The following RGS7 variants were observed in gnomAD, a reference collection of about 807,000 sequenced individuals.
RGS7 encodes the protein regulator of G-protein signaling 7.
Under a neutral mutation model 81.1 loss-of-function variants are expected in RGS7, and 27 were observed. The observed-to-expected ratio is 0.33, with a 90% CI of 0.25 to 0.46. The LOEUF (loss-of-function observed/expected upper bound fraction) is 0.46, where lower values mean the gene tolerates loss of function less well. RGS7 is among the 20% of genes least tolerant of loss of function. The pLI is 1.00. For synonymous variants in RGS7, 208 were observed against 207.7 expected (o/e 1.00, Z -0.01); for missense variants, 396 against 607.4 (o/e 0.65, Z 3.66).
chr1:240,793,611 A>ATATTTTTTTTTTTT, intron 18 of RGS7, among the ~76,000 whole-genome samples: 1 of 78,872 alleles, frequency 1.3e-5, no homozygotes, highest in African/African-American at 9.7e-5. Context: ...ATATATATAT[A>ATATTTTTTTTTTTT]TTTTTTTTTT....
intron 6 of RGS7, among the ~76,000 whole-genome samples, chr1:240,914,162 A>G (rs1360657887): frequency 6.7e-6 from 1 of 150,260 alleles, no homozygotes; most frequent in Non-Finnish European, 1.5e-5. Context: ...TCCAGGGCAC[A>G]TCAATTTAGA....
At chr1:241,295,352 A>C (rs1409671667) in intron 2 of RGS7, among the ~76,000 whole-genome samples, 2 of 144,694 alleles carry the variant, frequency 1.4e-5, no homozygotes, top group Non-Finnish European at 3.1e-5. Flanking sequence ...ACTTGGGAGG[A>C]TGAGGCAGGA....
intron 2 of RGS7, among the ~76,000 whole-genome samples, chr1:241,348,996 T>C (rs559934666): frequency 5.4e-5 from 4 of 74,682 alleles, no homozygotes; most frequent in African/African-American, 1.6e-4. Context: ...TGAAGAATAG[T>C]AATAAGATAA....
intron 3 of RGS7, among the ~76,000 whole-genome samples, chr1:241,076,728 CA>C (rs1307395644): frequency 1.3e-5 from 2 of 152,108 alleles, no homozygotes; most frequent in Non-Finnish European, 2.9e-5. Flanking sequence ...ACCCAATGGC[CA>C]ATTGATTTCT....
chr1:241,327,433 T>G (rs965692851), intron 2 of RGS7, among the ~76,000 whole-genome samples: 1 of 152,212 alleles, frequency 6.6e-6, no homozygotes, highest in Non-Finnish European at 1.5e-5. Flanking sequence ...GGATTCCTTA[T>G]TAAATAATAC....
chr1:241,298,292 C>T (rs552044555), intron 2 of RGS7, among the ~76,000 whole-genome samples: 4 of 152,262 alleles, frequency 2.6e-5, no homozygotes, highest in Non-Finnish European at 4.4e-5. Context: ...ATTAACTAAT[C>T]ACAGAAAGAA....
intron 4 of RGS7, among the ~76,000 whole-genome samples, chr1:240,972,800 C>A (rs1211123901): frequency 2.7e-5 from 4 of 149,304 alleles, no homozygotes; most frequent in East Asian, 2.0e-4. Flanking sequence ...GCAGGGAGAT[C>A]CCTTGAGACC....
intron 4 of RGS7, among the ~76,000 whole-genome samples, chr1:240,953,267 G>A (rs1679854852): frequency 6.6e-6 from 1 of 151,782 alleles, no homozygotes; most frequent in Admixed American, 6.6e-5. Flanking sequence ...TTTATATAAT[G>A]TTCTATCCAA....
intron 2 of RGS7, among the ~76,000 whole-genome samples, chr1:241,294,475 G>T (rs2079275749): frequency 6.6e-6 from 1 of 152,106 alleles, no homozygotes; most frequent in African/African-American, 2.4e-5. Flanking sequence ...AAATGTAAAA[G>T]TCAAAAGCTA....
At chr1:241,124,344 C>T (rs2066502198) in intron 2 of RGS7, among the ~76,000 whole-genome samples, 1 of 151,934 alleles carries the variant, frequency 6.6e-6, no homozygotes. Flanking sequence ...GCAGTGAACT[C>T]CATTGCACCA....
Position 240,941,869 on chromosome 1 carries a change from G to A in RGS7, c.227-5163C>T, listed in dbSNP as rs1055253020. ...CTGTCAAGATCACTCTCCCAATAAC[G>A]GCACACCAGATGGCCCAGCAGCATC... On this transcript the variant is annotated intron_variant, in intron 4 of 18. Transcript: ENST00000440928. Among the ~76,000 whole-genome samples, 3 of 150,030 alleles carry A rather than the reference G, an allele frequency of 2.0e-5. No homozygotes were observed. The East Asian group carries it at 5.8e-4, about 29-fold the overall frequency.
chr1:241,150,254 C>T (rs765640896), intron 2 of RGS7, among the ~76,000 whole-genome samples: 18 of 152,040 alleles, frequency 1.2e-4, no homozygotes, highest in Non-Finnish European at 1.9e-4. Flanking sequence ...ACATTTGGTG[C>T]GGTATTTAAC....
At chr1:240,937,943 T>C (rs1424636936) in intron 4 of RGS7, among the ~76,000 whole-genome samples, 1 of 152,244 alleles carries the variant, frequency 6.6e-6, no homozygotes, top group East Asian at 1.9e-4. Context: ...ATACTGTTTA[T>C]AGCTGCCAAC....
chr1:240,922,632 A>G (rs1023383781), intron 6 of RGS7, among the ~76,000 whole-genome samples: 7 of 152,134 alleles, frequency 4.6e-5, no homozygotes, highest in Non-Finnish European at 8.8e-5. Flanking sequence ...GCTCAATATC[A>G]TATGTTATTA....
At position 241,291,796 on chromosome 1, in the gene RGS7, G is replaced by A. The variant is rs368261087; in HGVS notation, c.78+63903C>T. 5.7e-4 allele frequency among the ~76,000 whole-genome samples: 86 copies of A among 151,934 alleles called. 1 individual carries two copies. In the Middle Eastern group the frequency reaches 0.01, roughly 18 times the overall value. ...TTGCCATGTTGGGCAGGCTGGTCTC[G>A]AACTCCTGACCTCAGGTGATCCACC... On this transcript the variant is annotated intron_variant, in intron 2 of 18. Coordinates refer to ENST00000440928, the MANE Select transcript of RGS7 (RefSeq NM_001364886.1).
intron 2 of RGS7, among the ~76,000 whole-genome samples, chr1:241,133,728 C>A (rs1366621597): frequency 6.6e-6 from 1 of 152,174 alleles, no homozygotes; most frequent in Non-Finnish European, 1.5e-5. Context: ...TTCCCTGATC[C>A]TGGTTTCTAA....
chr1:241,088,738 A>G (rs1055412229), intron 3 of RGS7, among the ~76,000 whole-genome samples: 5 of 151,962 alleles, frequency 3.3e-5, no homozygotes, highest in Admixed American at 3.3e-4. Context: ...TAAGAACCAT[A>G]AACAGACCAT....
chr1:240,876,064 T>C (rs975744650), intron 6 of RGS7, among the ~76,000 whole-genome samples: 1 of 152,156 alleles, frequency 6.6e-6, no homozygotes, highest in African/African-American at 2.4e-5. Context: ...AGATGATGCC[T>C]AAGAGAAACA....
chr1:240,828,187 C>A (rs767493524), intron 9 of RGS7, among the ~76,000 whole-genome samples: 5 of 152,170 alleles, frequency 3.3e-5, no homozygotes, highest in Non-Finnish European at 4.4e-5. Flanking sequence ...GTATAGGCAG[C>A]CTGCTGTTAG....
Sources: allele counts gnomAD v4.1 joint callset (sites outside exome capture counted in the v4.1 genomes callset), GRCh38; gene constraint gnomAD v4.1.1; transcripts MANE v1.5; gene names NCBI Gene and HGNC (gene_info 2026-07-23, HGNC 2026-07-21).